Variants in BMPR1B observed in about 807,000 individuals in gnomAD.
BMPR1B encodes the protein bone morphogenetic protein receptor type 1B.
Under a neutral mutation model 59.1 loss-of-function variants are expected in BMPR1B, and 12 were observed. The observed-to-expected ratio is 0.20, with a 90% CI of 0.13 to 0.33. The LOEUF is 0.33. Among genes scored for constraint, BMPR1B ranks in the 10% least tolerant of loss-of-function variants. The pLI, the probability that BMPR1B is intolerant of heterozygous loss-of-function variation, is 1.00. For synonymous variants in BMPR1B, 237 were observed against 207.3 expected (o/e 1.14, Z -1.23); for missense variants, 550 against 610.9 (o/e 0.90, Z 1.05).
chr4:94,827,879 T>A (rs1453888541), intron 1 of BMPR1B, among the ~76,000 whole-genome samples: 1 of 152,226 alleles, frequency 6.6e-6, no homozygotes. Context: ...ATGACTGGAA[T>A]GTGAGTCAAA....
intron 3 of BMPR1B, among the ~76,000 whole-genome samples, chr4:95,037,349 A>G (rs1278908616): frequency 2.0e-5 from 3 of 152,144 alleles, no homozygotes; most frequent in African/African-American, 7.2e-5. Flanking sequence ...TCAGGAAAGT[A>G]TTTTCCCTGG....
chr4:95,011,504 C>T (rs529735783), intron 3 of BMPR1B, among the ~76,000 whole-genome samples: 1 of 152,114 alleles, frequency 6.6e-6, no homozygotes, highest in African/African-American at 2.4e-5. Context: ...TGCTGTCGCT[C>T]TAGCTGTCAT....
At chr4:94,967,509 G>A (rs1353268238) in intron 2 of BMPR1B, among the ~76,000 whole-genome samples, 1 of 150,938 alleles carries the variant, frequency 6.6e-6, no homozygotes, top group African/African-American at 2.4e-5. Flanking sequence ...TTGAGATGGA[G>A]TCTTGCTCTG....
intron 1 of BMPR1B, among the ~76,000 whole-genome samples, chr4:94,841,793 T>G (rs1379716064): frequency 4.6e-5 from 7 of 152,168 alleles, no homozygotes; most frequent in Non-Finnish European, 1.5e-5. Flanking sequence ...CCCAGTAAAT[T>G]TTTTCTATTG....
chr4:94,983,920 G>A (rs1206417416), intron 2 of BMPR1B, among the ~76,000 whole-genome samples: 1 of 152,236 alleles, frequency 6.6e-6, no homozygotes, highest in African/African-American at 2.4e-5. Context: ...CCCATAACAG[G>A]TACTAAGCAA....
At chr4:94,954,957 T>C (rs1022672263) in intron 2 of BMPR1B, among the ~76,000 whole-genome samples, 3 of 152,186 alleles carry the variant, frequency 2.0e-5, no homozygotes, top group African/African-American at 7.2e-5. Context: ...TCACAGTCTG[T>C]CTCCATTAGG....
intron 1 of BMPR1B, among the ~76,000 whole-genome samples, chr4:94,780,837 C>T (rs972831203): frequency 2.0e-5 from 3 of 151,804 alleles, no homozygotes; most frequent in African/African-American, 7.3e-5. Context: ...TATAGGTGCC[C>T]ACCACCATGT....
In BMPR1B at chr4:95,118,239, T is replaced by C. The variant is rs576931684; in HGVS notation, c.349+2452T>C. Among the ~76,000 whole-genome samples, 3 of 152,258 alleles carry C rather than the reference T, an allele frequency of 2.0e-5. No homozygotes were observed. The South Asian group carries it at 6.2e-4, about 32-fold the overall frequency. ...TCTTACCTTTTTGGGCCAGCTGTTT[T>C]GGGGTCAAGTAAATGTCACTGCAGA... On this transcript the variant is annotated intron_variant, in intron 6 of 12. Coordinates refer to ENST00000515059, the MANE Select transcript of BMPR1B (RefSeq NM_001203.3).
intron 10 of BMPR1B, among the ~76,000 whole-genome samples, chr4:95,147,863 G>A (rs147111719): frequency 7.9e-5 from 12 of 152,096 alleles, no homozygotes; most frequent in African/African-American, 2.9e-4. Flanking sequence ...TTAGAACAGG[G>A]GCTGGAACTG....
chr4:95,095,644 A>C, intron 3 of BMPR1B, among the ~76,000 whole-genome samples: 1 of 152,246 alleles, frequency 6.6e-6, no homozygotes, highest in East Asian at 1.9e-4. Flanking sequence ...AGATAAAGGA[A>C]GATAGATTAT....
chr4:94,972,748 A>T (rs933470059), intron 2 of BMPR1B, among the ~76,000 whole-genome samples: 3 of 152,170 alleles, frequency 2.0e-5, no homozygotes, highest in African/African-American at 7.2e-5. Flanking sequence ...CTGGATTTGT[A>T]ACTTTATGCT....
At chr4:94,972,792 G>A (rs1326921547) in intron 2 of BMPR1B, among the ~76,000 whole-genome samples, 2 of 152,122 alleles carry the variant, frequency 1.3e-5, no homozygotes, top group Admixed American at 1.3e-4. Flanking sequence ...TAGAGATAAT[G>A]CTGGCCTTAA....
intron 3 of BMPR1B, among the ~76,000 whole-genome samples, chr4:95,074,852 A>G (rs1286575583): frequency 6.6e-6 from 1 of 152,138 alleles, no homozygotes; most frequent in African/African-American, 2.4e-5. Flanking sequence ...CTGAAATCAG[A>G]TAGAAAAGTC....
chr4:94,773,132 G>A (rs1722246500), intron 1 of BMPR1B, among the ~76,000 whole-genome samples: 1 of 152,076 alleles, frequency 6.6e-6, no homozygotes, highest in African/African-American at 2.4e-5. Flanking sequence ...TTTTTCGGAA[G>A]AGGAAGTCAA....
At chr4:94,906,910 A>C (rs3775012) in intron 2 of BMPR1B, among the ~76,000 whole-genome samples, 40,896 of 151,936 alleles carry the variant, frequency 0.27, 6,797 homozygotes, top group African/African-American at 0.47. Context: ...TTATATTATA[A>C]CTATTATAAT....
At chr4:94,861,046 A>G (rs1725958732) in intron 1 of BMPR1B, among the ~76,000 whole-genome samples, 1 of 150,646 alleles carries the variant, frequency 6.6e-6, no homozygotes, top group Non-Finnish European at 1.5e-5. Context: ...CTTTCATTTT[A>G]TTCTGTATTC....
chr4:95,101,743 T>C (rs1730836860), intron 3 of BMPR1B, among the ~76,000 whole-genome samples: 1 of 152,292 alleles, frequency 6.6e-6, no homozygotes, highest in Non-Finnish European at 1.5e-5. Flanking sequence ...TTCCTGTAAA[T>C]TTTGTCCAGA....
At chr4:95,093,113 C>T (rs1008199172) in intron 3 of BMPR1B, among the ~76,000 whole-genome samples, 20 of 152,012 alleles carry the variant, frequency 1.3e-4, no homozygotes, top group Admixed American at 2.0e-4. Context: ...ATCATTCTAT[C>T]GGCTGAGATT....
intron 3 of BMPR1B, among the ~76,000 whole-genome samples, chr4:95,030,441 A>G (rs1335645630): frequency 1.3e-5 from 2 of 152,044 alleles, no homozygotes; most frequent in African/African-American, 4.8e-5. Context: ...ATGTGGTGTT[A>G]TTTCTGAGGG....
Sources: allele counts gnomAD v4.1 joint callset (sites outside exome capture counted in the v4.1 genomes callset), GRCh38; gene constraint gnomAD v4.1.1; transcripts MANE v1.5; gene names NCBI Gene and HGNC (gene_info 2026-07-23, HGNC 2026-07-21).